Variants in NRXN2 observed in about 807,000 individuals in gnomAD.
NRXN2 encodes the protein neurexin-2-beta.
Under a neutral mutation model 128.8 loss-of-function variants are expected in NRXN2, and 29 were observed. The observed-to-expected ratio is 0.23, with a 90% CI of 0.17 to 0.31. The LOEUF is 0.31. Among genes scored for constraint, NRXN2 ranks in the 10% least tolerant of loss-of-function variants. The pLI, the probability that NRXN2 is intolerant of heterozygous loss-of-function variation, is 1.00. For missense variants in NRXN2, 1,881 were observed against 2,452.6 expected (o/e 0.77, Z 4.92); for synonymous variants, 1,098 against 1,075.2 (o/e 1.02, Z -0.41).
intron 22 of NRXN2, among the ~76,000 whole-genome samples, chr11:64,613,371 G>A (rs971834821): frequency 2.0e-5 from 3 of 152,242 alleles, no homozygotes; most frequent in African/African-American, 7.2e-5. Flanking sequence ...ACAGGCATCT[G>A]AGCACCAGCG....
rs3862372 is a variant in NRXN2 at position 64,670,020 on chromosome 11, G to A, written c.1198-1416C>T. 7.1e-3 allele frequency among the ~76,000 whole-genome samples: 1,086 copies of A among 152,222 alleles called. 11 individuals are homozygous for A. The highest frequency in any genetic ancestry group is 0.025 in the African/African-American group (1,024 of 41,528). On this transcript the variant is annotated intron_variant, in intron 7 of 22. Coordinates refer to ENST00000265459, the MANE Select transcript of NRXN2 (RefSeq NM_015080.4). ...AGCGACTGGTCTCCAGGGGTCCATGGTCTCGGTGGGTGAGGTGGAGGAACT... is the reference window on the plus strand; with the variant it reads ...AGCGACTGGTCTCCAGGGGTCCATGATCTCGGTGGGTGAGGTGGAGGAACT...
chr11:64,675,397 C>T (rs2051167909), intron 7 of NRXN2: 2 of 152,352 alleles, frequency 1.3e-5, no homozygotes, highest in East Asian at 3.9e-4. Context: ...GTAGAGCCTC[C>T]TAGGGAAGTG....
intron 1 of NRXN2, among the ~76,000 whole-genome samples, chr11:64,722,610 G>T (rs376708361): frequency 2.8e-4 from 43 of 151,782 alleles, no homozygotes; most frequent in African/African-American, 6.0e-4. Flanking sequence ...AGCTCCTCTG[G>T]CCCGGCGCTG....
At chr11:64,698,199 G>A (rs2054822146) in intron 2 of NRXN2, among the ~76,000 whole-genome samples, 1 of 152,136 alleles carries the variant, frequency 6.6e-6, no homozygotes, top group Non-Finnish European at 1.5e-5. Flanking sequence ...ACAGACAGAT[G>A]GGGACACACT....
intron 17 of NRXN2, among the ~76,000 whole-genome samples, chr11:64,639,904 G>A (rs2045405264): frequency 6.6e-6 from 1 of 152,158 alleles, no homozygotes; most frequent in Non-Finnish European, 1.5e-5. Flanking sequence ...CCAGCCAAGT[G>A]TAGGGTCCCA....
chr11:64,690,506 C>G, intron 4 of NRXN2, 30 bp from the exon 5 acceptor site: 1 of 1,587,942 alleles, frequency 6.3e-7, no homozygotes, highest in Non-Finnish European at 8.6e-7. Context: ...GAGTCAGGCA[C>G]AGGGGGTACC....
chr11:64,640,139 C>T (rs773805296), intron 17 of NRXN2, among the ~76,000 whole-genome samples: 5 of 152,012 alleles, frequency 3.3e-5, no homozygotes, highest in Admixed American at 6.6e-5. Context: ...TTCCACCAGG[C>T]ACTGGTCCTC....
At chr11:64,666,755 G>A (rs938679428) in intron 9 of NRXN2, among the ~76,000 whole-genome samples, 1 of 151,910 alleles carries the variant, frequency 6.6e-6, no homozygotes, top group African/African-American at 2.4e-5. Flanking sequence ...AGTAGAGATG[G>A]GGTTTCGCCG....
At chr11:64,690,313 T>G in intron 5 of NRXN2, 92 bp downstream of exon 5, 1 of 1,137,974 alleles carries the variant, frequency 8.8e-7, no homozygotes, top group Non-Finnish European at 1.3e-6. Context: ...CAAGGGGATG[T>G]GCCTGCGTTG....
intron 22 of NRXN2, among the ~76,000 whole-genome samples, chr11:64,617,718 T>C (rs949378720): frequency 2.0e-5 from 3 of 152,170 alleles, no homozygotes; most frequent in African/African-American, 7.2e-5. Context: ...AAAAGCCTCC[T>C]TGCATTTGGG....
chr11:64,688,065 C>CAGAA (rs1211468198), intron 5 of NRXN2, among the ~76,000 whole-genome samples: 1 of 152,136 alleles, frequency 6.6e-6, no homozygotes, highest in Non-Finnish European at 1.5e-5. Context: ...GAGAGTCAAA[C>CAGAA]AGAAAGAAAG....
At chr11:64,654,673 T>C (rs1282623386) in intron 11 of NRXN2, among the ~76,000 whole-genome samples, 1 of 152,212 alleles carries the variant, frequency 6.6e-6, no homozygotes, top group East Asian at 1.9e-4. Context: ...CAGTCAGGTC[T>C]TGCAGAGGGA....
chr11:64,686,041 C>T lies in NRXN2; in HGVS notation c.851-94G>A. ...CCCTCCAGCAACGCAGGCACTGGTC[C>T]TGGGCACCAGGAGCCCAGAGGTCCC... is the stretch of plus-strand genomic sequence containing the variant. On this transcript the variant is annotated intron_variant, in intron 5 of 22. Transcript: ENST00000265459. The T allele has an allele frequency of 2.1e-6, 3 of 1,430,268 alleles. No homozygotes were observed. The South Asian group carries it at 3.6e-5, about 17-fold the overall frequency. The allele number at this position is 1,430,268 out of a possible 1,614,324, so 88.6% of individuals were successfully genotyped here. A position where few individuals can be genotyped will look rare whatever the true frequency, so the allele number is the denominator to read the frequency against.
chr11:64,718,538 T>C (rs2057356667), intron 1 of NRXN2, among the ~76,000 whole-genome samples: 1 of 152,172 alleles, frequency 6.6e-6, no homozygotes, highest in Non-Finnish European at 1.5e-5. Flanking sequence ...AGAAACTTGC[T>C]GGCTGGCAAT....
In NRXN2 at chr11:64,620,285, G is replaced by A; in HGVS notation, c.4252+9C>T. Reference sequence around the variant, plus strand: ...GACCCGGGGCAGGGGAGGGGGGAAAGGCACTCACCAGTACTGGGCTCACAC... The same window carrying A: ...GACCCGGGGCAGGGGAGGGGGGAAAAGCACTCACCAGTACTGGGCTCACAC... On this transcript the variant is annotated intron_variant, in intron 22 of 22. Transcript: ENST00000265459. 1 of 1,549,598 alleles carries A rather than the reference G, an allele frequency of 6.5e-7. No individual in the cohort carries two copies. Among genetic ancestry groups the A allele is most frequent in the South Asian group, 1.2e-5 (1 of 84,024 alleles).
Position 64,648,129 on chromosome 11 carries a change from TCAGAGGCC to T in NRXN2, c.3403+82_3403+89del, listed in dbSNP as rs2046968321. ...AAGAAGCAGCACAGCTCCTGAATGC[TCAGAGGCC>T]CTGTTTCCTCCCTGGCAGCCCCTAT... On this transcript the variant is annotated intron_variant, in intron 17 of 22. Coordinates refer to ENST00000265459, the MANE Select transcript of NRXN2 (RefSeq NM_015080.4). This position sits in a 1 kb window ranked among gnomAD's most constrained non-coding sequence, Gnocchi z 4.1. The T allele has an allele frequency of 6.4e-6, 10 of 1,569,822 alleles. No individual in the cohort carries two copies. Among genetic ancestry groups the T allele is most frequent in the Non-Finnish European group, 7.0e-6 (8 of 1,143,764 alleles).
At chr11:64,643,356 CGGGGGAGGGGGGGGCG>C in intron 17 of NRXN2, 1 of 13,556 alleles carries the variant, frequency 7.4e-5, no homozygotes, top group Non-Finnish European at 9.3e-5. Flanking sequence ...AGGGAGCGGC[CGGGGGAGGGGGGGGCG>C]GGAGAAGGGG....
chr11:64,702,949 A>ACTG (rs919320511), intron 2 of NRXN2, among the ~76,000 whole-genome samples: 1 of 146,632 alleles, frequency 6.8e-6, no homozygotes, highest in Non-Finnish European at 1.5e-5. Flanking sequence ...TGATCACACC[A>ACTG]CTGCACTTCA....
intron 8 of NRXN2, 113 bp downstream of exon 8, chr11:64,668,330 G>T: frequency 1.5e-6 from 2 of 1,348,896 alleles, no homozygotes; most frequent in Non-Finnish European, 2.1e-6. Context: ...TCCCACCATG[G>T]ACTTGGAAGG....
Sources: allele counts gnomAD v4.1 joint callset (sites outside exome capture counted in the v4.1 genomes callset), GRCh38; gene constraint gnomAD v4.1.1; non-coding constraint Gnocchi (gnomAD v3.1); transcripts MANE v1.5; gene names NCBI Gene and HGNC (gene_info 2026-07-23, HGNC 2026-07-21).